TIAM2: variants seen among roughly 807,000 people sequenced by gnomAD.
The protein encoded by TIAM2 is TIAM Rac1 associated GEF 2.
TIAM2 carries 80 observed loss-of-function variants against 152.9 expected under a neutral mutation model. That is an observed-to-expected ratio of 0.52 (90% CI 0.44 to 0.63). The LOEUF (loss-of-function observed/expected upper bound fraction) is 0.63, where lower values mean the gene tolerates loss of function less well. Ranked by LOEUF, TIAM2 falls within the 30% of genes least tolerant of loss-of-function variation. The pLI, the probability that TIAM2 is intolerant of heterozygous loss-of-function variation, is 0.00. For missense variants in TIAM2, 1,965 were observed against 2,120.1 expected (o/e 0.93, Z 1.44); for synonymous variants, 804 against 838.0 (o/e 0.96, Z 0.70).
At chr6:155,015,476 A>G (rs1778557229) in intron 1 of TIAM2, among the ~76,000 whole-genome samples, 1 of 152,184 alleles carries the variant, frequency 6.6e-6, no homozygotes, top group African/African-American at 2.4e-5. Context: ...GAAATTGTCA[A>G]AGAAGGATGT....
chr6:155,066,787 G>A (rs1366181724), intron 1 of TIAM2, among the ~76,000 whole-genome samples: 1 of 151,746 alleles, frequency 6.6e-6, no homozygotes, highest in African/African-American at 2.4e-5. Flanking sequence ...ACTGAGTCTC[G>A]CTCTGTCGCC....
intron 1 of TIAM2, among the ~76,000 whole-genome samples, chr6:155,068,708 C>T (rs1777765566): frequency 1.3e-5 from 2 of 152,038 alleles, no homozygotes; most frequent in African/African-American, 2.4e-5. Context: ...CCGTCCGCCT[C>T]GGCCTCCCAG....
Position 155,144,673 on chromosome 6 carries a change from T to C in TIAM2, c.1698T>C (p.Cys566=). Residue 566 remains cysteine, a synonymous_variant, in exon 6 of 27, where the codon TGT becomes TGC. Transcript: ENST00000682666. ...NSMDQSSAPR[C]ALFAEDSIVQ... ...TGGATCAGAGCAGTGCCCCTCGGTGTGCTCTGTTTGCAGAAGACAGCATAG... is the reference window on the plus strand; with the variant it reads ...TGGATCAGAGCAGTGCCCCTCGGTGCGCTCTGTTTGCAGAAGACAGCATAG... The C allele has an allele frequency of 6.2e-7, 1 of 1,608,564 alleles. No individual in the cohort carries two copies.
At chr6:155,179,175 T>G (rs769596258) in intron 11 of TIAM2, 32 bp downstream of exon 11, 1 of 1,571,870 alleles carries the variant, frequency 6.4e-7, no homozygotes, top group African/African-American at 1.4e-5. Context: ...GAAGGGAAAC[T>G]GAACCACATC....
chr6:155,045,059 T>C (rs1391606379), intron 1 of TIAM2, among the ~76,000 whole-genome samples: 1 of 148,994 alleles, frequency 6.7e-6, no homozygotes. Context: ...TCTTTTTTTT[T>C]TTTTTTTTTG....
intron 1 of TIAM2, among the ~76,000 whole-genome samples, chr6:155,075,511 T>G (rs1409250970): frequency 6.6e-6 from 1 of 152,152 alleles, no homozygotes; most frequent in African/African-American, 2.4e-5. Context: ...AGAACAAGAT[T>G]TGACAAAAAG....
At chr6:155,007,836 C>T (rs1464488834) in intron 1 of TIAM2, among the ~76,000 whole-genome samples, 2 of 152,236 alleles carry the variant, frequency 1.3e-5, no homozygotes, top group Admixed American at 6.5e-5. Flanking sequence ...TTGAGCCCGT[C>T]GGATGGTTGC....
Position 155,130,294 on chromosome 6 carries a change from T to C in TIAM2, c.1071T>C (p.Thr357=), listed in dbSNP as rs1779417142. The C allele has an allele frequency of 1.2e-6, 2 of 1,613,866 alleles. No homozygotes were observed. The highest frequency in any genetic ancestry group is 3.3e-5 in the Admixed American group (2 of 59,986). ...HGDPIQYSSF[T]LPCRKPKAFV... is the part of the protein sequence containing the mutation. ...ACCCCATCCAGTACAGTTCCTTCAC[T>C]CTCCCCTGTCGGAAGCCCAAAGCCT... Residue 357 remains threonine, a synonymous_variant, in exon 4 of 27, where the codon ACT becomes ACC. Coordinates refer to ENST00000682666, the MANE Select transcript of TIAM2 (RefSeq NM_012454.4).
At chr6:155,206,288 C>T (rs1460316550) in intron 14 of TIAM2, among the ~76,000 whole-genome samples, 1 of 152,172 alleles carries the variant, frequency 6.6e-6, no homozygotes, top group Non-Finnish European at 1.5e-5. Flanking sequence ...CGCTCTGTCG[C>T]CCAGGCTGGA....
At position 155,254,328 on chromosome 6, in the gene TIAM2, G is replaced by A. The variant is rs563804091; in HGVS notation, c.4314-91G>A. ...GGCTGGCTGGCAGCCTGGTCCAGCA[G>A]GTGCAAGGCACAGGAACACAGGCGG... On this transcript the variant is annotated intron_variant, in intron 25 of 26. Coordinates refer to ENST00000682666, the MANE Select transcript of TIAM2 (RefSeq NM_012454.4). 23 of 1,521,346 alleles carry A rather than the reference G, an allele frequency of 1.5e-5. No individual in the cohort carries two copies. The South Asian group carries it at 1.8e-4, about 12-fold the overall frequency. 94.2% of individuals were successfully genotyped at this position (1,521,346 alleles called of 1,614,324 possible). A position where few individuals can be genotyped will look rare whatever the true frequency, so the allele number is the denominator to read the frequency against.
At chr6:155,242,010 G>C (rs1438511248) in intron 16 of TIAM2, among the ~76,000 whole-genome samples, 1 of 152,340 alleles carries the variant, frequency 6.6e-6, no homozygotes, top group Non-Finnish European at 1.5e-5. Flanking sequence ...AGGCCACGCT[G>C]TACTGGGAGG....
At chr6:155,040,265 G>A (rs964167955) in intron 1 of TIAM2, among the ~76,000 whole-genome samples, 6 of 152,088 alleles carry the variant, frequency 3.9e-5, no homozygotes, top group African/African-American at 1.2e-4. Flanking sequence ...ATCAATCAGG[G>A]TTTAGAATAA....
intron 1 of TIAM2, among the ~76,000 whole-genome samples, chr6:155,013,368 C>T (rs558445459): frequency 1.3e-5 from 2 of 152,094 alleles, no homozygotes; most frequent in African/African-American, 2.4e-5. Flanking sequence ...TTGGAGAACT[C>T]GAAATTTGGG....
intron 2 of TIAM2, among the ~76,000 whole-genome samples, chr6:155,123,354 A>T (rs1779217726): frequency 6.6e-6 from 1 of 152,116 alleles, no homozygotes; most frequent in South Asian, 2.1e-4. Flanking sequence ...TCTTTCTGTC[A>T]TACCCAGTAA....
chr6:155,056,094 T>A (rs1385048928), intron 1 of TIAM2, among the ~76,000 whole-genome samples: 2 of 152,032 alleles, frequency 1.3e-5, no homozygotes, highest in Admixed American at 6.6e-5. Context: ...TAATTTTTTT[T>A]AATTTTTAAA....
At chr6:155,152,993 C>A (rs544781478) in intron 7 of TIAM2, among the ~76,000 whole-genome samples, 6 of 152,090 alleles carry the variant, frequency 3.9e-5, no homozygotes, top group Admixed American at 3.3e-4. Flanking sequence ...TGAACATAAA[C>A]CCTTACATAA....
At position 155,257,619 on chromosome 6, in the gene TIAM2, A is replaced by G. The variant is rs1195974820; in HGVS notation, c.*498A>G. On this transcript the variant is annotated 3_prime_UTR_variant, in exon 27 of 27. Coordinates refer to ENST00000682666, the MANE Select transcript of TIAM2 (RefSeq NM_012454.4). ...AGATGCTGTTTATACTAAACATGTC[A>G]TAACTATCTATACAGTATATATTAA... 5 of 551,954 alleles carry G rather than the reference A, an allele frequency of 9.1e-6. No individual in the cohort carries two copies. In the Admixed American group the frequency reaches 1.7e-4, roughly 19 times the overall value. The allele number at this position is 551,954 out of a possible 1,614,324, so 34.2% of individuals were successfully genotyped here.
intron 15 of TIAM2, among the ~76,000 whole-genome samples, chr6:155,223,517 ATTTTTTTTTC>A (rs1782125800): frequency 7.1e-6 from 1 of 140,864 alleles, no homozygotes; most frequent in South Asian, 2.2e-4. Flanking sequence ...ACATCCCCAG[ATTTTTTTTTC>A]TTTTTTTTTT....
At chr6:155,254,245 A>G in intron 25 of TIAM2, 174 bp from the exon 26 acceptor site, 2 of 1,023,816 alleles carry the variant, frequency 2.0e-6, no homozygotes, top group Non-Finnish European at 2.8e-6. Flanking sequence ...CAAAATCTTA[A>G]GAGTGATCAA....
Sources: allele counts gnomAD v4.1 joint callset (sites outside exome capture counted in the v4.1 genomes callset), GRCh38; gene constraint gnomAD v4.1.1; transcripts MANE v1.5; gene names NCBI Gene and HGNC (gene_info 2026-07-23, HGNC 2026-07-21).